The following CPA3 variants were observed in gnomAD, a reference collection of about 807,000 sequenced individuals.
The protein encoded by CPA3 is mast cell carboxypeptidase A.
Under a neutral mutation model 55.8 loss-of-function variants are expected in CPA3, and 52 were observed. The observed-to-expected ratio is 0.93, with a 90% CI of 0.75 to 1.17. The LOEUF (loss-of-function observed/expected upper bound fraction) is 1.17. CPA3 is among the 50% of genes most tolerant of loss of function. CPA3 has a pLI of 0.00. For synonymous variants in CPA3, 179 were observed against 171.2 expected, an observed-to-expected ratio of 1.05 and a Z score of -0.36; for missense variants, 547 against 509.1, an observed-to-expected ratio of 1.07 and a Z score of -0.72.
intron 10 of CPA3, among the ~76,000 whole-genome samples, chr3:148,888,220 C>T (rs577943602): frequency 3.3e-5 from 5 of 152,270 alleles, no homozygotes; most frequent in Admixed American, 6.5e-5. Context: ...TCAGCAATTG[C>T]GATGGAATTT....
intron 5 of CPA3, 47 bp downstream of exon 5, chr3:148,878,795 A>G (rs1714282592): frequency 8.6e-7 from 1 of 1,163,198 alleles, no homozygotes; most frequent in South Asian, 1.3e-5. Flanking sequence ...GTTGAAAAAC[A>G]TGAATTTAAA....
chr3:148,893,027 A>C (rs551986306), intron 10 of CPA3, among the ~76,000 whole-genome samples: 2 of 152,338 alleles, frequency 1.3e-5, no homozygotes, highest in South Asian at 4.1e-4. Context: ...CTGTTTACTA[A>C]ACCTGAACAG....
chr3:148,884,390 C>G (rs1258547012), intron 9 of CPA3, among the ~76,000 whole-genome samples: 1 of 152,050 alleles, frequency 6.6e-6, no homozygotes, highest in Non-Finnish European at 1.5e-5. Context: ...AAAAAAAAGT[C>G]TGCATATGGG....
rs867243632 is a variant in CPA3, at chr3:148,870,109, A to T, written c.269+1070A>T. 5.9e-5 allele frequency: 9 copies of T among 151,752 alleles called. No individual in the cohort carries two copies. In the East Asian group the frequency reaches 1.7e-3, roughly 29 times the overall value. 9.4% of individuals were successfully genotyped at this position (151,752 alleles called of 1,614,324 possible). On this transcript the variant is annotated intron_variant, in intron 3 of 10. Transcript: ENST00000296046. Reference sequence around the variant, plus strand: ...CTCCATCTCAAAAAAAAAAAAAAAAAAAAAAAAGAAAATGTGTTTTTATAC... The same window carrying T: ...CTCCATCTCAAAAAAAAAAAAAAAATAAAAAAAGAAAATGTGTTTTTATAC...
At chr3:148,893,283 G>T (rs1714725916) in intron 10 of CPA3, among the ~76,000 whole-genome samples, 1 of 150,658 alleles carries the variant, frequency 6.6e-6, no homozygotes, top group African/African-American at 2.4e-5. Flanking sequence ...AGATGGCCTT[G>T]AAACAAATGA....
chr3:148,874,173 G>A (rs2108031283), intron 3 of CPA3, among the ~76,000 whole-genome samples: 1 of 152,222 alleles, frequency 6.6e-6, no homozygotes, highest in East Asian at 1.9e-4. Context: ...TTGTGGAAAG[G>A]TTGTACTTCA....
chr3:148,874,254 A>G (rs1714153177), intron 3 of CPA3, among the ~76,000 whole-genome samples: 2 of 152,108 alleles, frequency 1.3e-5, no homozygotes, highest in Non-Finnish European at 2.9e-5. Flanking sequence ...AGCTAAATTG[A>G]TATGTGTAAG....
At chr3:148,895,151 AAC>A (rs1363080306) in intron 10 of CPA3, among the ~76,000 whole-genome samples, 4 of 152,172 alleles carry the variant, frequency 2.6e-5, no homozygotes, top group Admixed American at 6.5e-5. Flanking sequence ...AGAAAATCTA[AAC>A]ACCTAGTCCC....
At chr3:148,891,815 A>G (rs1714678684) in intron 10 of CPA3, among the ~76,000 whole-genome samples, 1 of 152,218 alleles carries the variant, frequency 6.6e-6, no homozygotes, top group African/African-American at 2.4e-5. Flanking sequence ...AGCTACTGCA[A>G]CTAGGAACTG....
Position 148,878,530 on chromosome 3 carries a change from A to G in CPA3, c.359A>G (p.Asn120Ser), listed in dbSNP as rs61733455. 1.9e-4 allele frequency: 312 copies of G among 1,611,618 alleles called. No individual in the cohort carries two copies. In the African/African-American group the frequency reaches 3.7e-3, roughly 19 times the overall value. Reference protein sequence around the residue: ...IPGRHSYAKYNNWEKIVAWTE... With the variant: ...IPGRHSYAKYSNWEKIVAWTE... ...GGCAGGCACAGCTACGCAAAATACA[A>G]TAATTGGGAAAAGGTACAGTAAAAA... The change falls in exon 4 of 11, where the codon AAT becomes AGT. Residue 120 changes from asparagine (N) to serine (S), a missense_variant. Coordinates refer to ENST00000296046, the MANE Select transcript of CPA3 (RefSeq NM_001870.4).
At chr3:148,868,844 T>C (rs1202356394) in intron 2 of CPA3, 71 bp from the exon 3 acceptor site, 7 of 1,547,638 alleles carry the variant, frequency 4.5e-6, no homozygotes, top group Admixed American at 1.8e-5. Flanking sequence ...GTATGAGACA[T>C]GATCATTTCT....
At chr3:148,892,099 T>C (rs931815714) in intron 10 of CPA3, among the ~76,000 whole-genome samples, 6 of 152,176 alleles carry the variant, frequency 3.9e-5, no homozygotes, top group Admixed American at 2.6e-4. Context: ...GGTTCTCTTC[T>C]TCCTCCTCCT....
chr3:148,873,025 T>TACACACACAC (rs10536988), intron 3 of CPA3, among the ~76,000 whole-genome samples: 15 of 103,860 alleles, frequency 1.4e-4, no homozygotes, highest in African/African-American at 4.3e-4. Flanking sequence ...CTTCTATGAA[T>TACACACACAC]ACACACACAC....
rs1463718891 is a variant in CPA3 at position 148,883,796 on chromosome 3, C to T, written c.962C>T (p.Pro321Leu). Residue 321 changes from proline to leucine, a missense_variant, in exon 9 of 11, where the codon CCA becomes CTA. Pro to Leu is a moderately conservative substitution (Grantham distance 98). Transcript: ENST00000296046. ...CCCTATGGATATACATCAAAACTGC[C>T]ACCTAACCATGAGGACTTGGTACGT... is the stretch of plus-strand genomic sequence containing the variant. ...LFPYGYTSKL[P>L]PNHEDLAKVA... The T allele has an allele frequency of 4.3e-6, 7 of 1,613,778 alleles. No homozygotes were observed. Among genetic ancestry groups the T allele is most frequent in the African/African-American group, 2.7e-5 (2 of 74,914 alleles).
chr3:148,894,268 C>A (rs571292320), intron 10 of CPA3, among the ~76,000 whole-genome samples: 1 of 152,044 alleles, frequency 6.6e-6, no homozygotes, highest in Non-Finnish European at 1.5e-5. Context: ...AGTTTCTACA[C>A]CTCACTTGAC....
chr3:148,873,379 A>G lies in CPA3; in HGVS notation c.269+4340A>G, dbSNP rs554777354. On this transcript the variant is annotated intron_variant, in intron 3 of 10. Transcript: ENST00000296046. Reference sequence around the variant, plus strand: ...AGTGCATGCACGCGCGCACACGCGCACACACACACACACACACACACCCCA... The same window carrying G: ...AGTGCATGCACGCGCGCACACGCGCGCACACACACACACACACACACCCCA... Among the ~76,000 whole-genome samples the G allele has an allele frequency of 4.1e-3, 582 of 142,400 alleles. 1 individual carries two copies. The highest frequency in any genetic ancestry group is 0.012 in the African/African-American group (449 of 36,662). The allele number at this position is 142,400 out of a possible 152,430, so 93.4% of individuals were successfully genotyped here. A position where few individuals can be genotyped will look rare whatever the true frequency, so the allele number is the denominator to read the frequency against.
intron 5 of CPA3, among the ~76,000 whole-genome samples, chr3:148,879,506 A>C (rs1714301165): frequency 3.9e-5 from 6 of 152,236 alleles, no homozygotes; most frequent in Admixed American, 3.9e-4. Context: ...TTAGTAATAA[A>C]ATAAAAACAA....
intron 10 of CPA3, among the ~76,000 whole-genome samples, chr3:148,888,853 T>A (rs1367814949): frequency 6.6e-6 from 1 of 152,222 alleles, no homozygotes; most frequent in East Asian, 1.9e-4. Context: ...TGTACCTAGC[T>A]AGCAGGCTAG....
At chr3:148,885,530 C>G (rs1266260168) in intron 9 of CPA3, among the ~76,000 whole-genome samples, 1 of 151,014 alleles carries the variant, frequency 6.6e-6, no homozygotes, top group African/African-American at 2.4e-5. Flanking sequence ...CCTGCCTCAG[C>G]CTCCCAAGTA....
Sources: allele counts gnomAD v4.1 joint callset (sites outside exome capture counted in the v4.1 genomes callset), GRCh38; gene constraint gnomAD v4.1.1; transcripts MANE v1.5; gene names NCBI Gene and HGNC (gene_info 2026-07-23, HGNC 2026-07-21).